Variants in CLSTN2 observed in about 807,000 individuals in gnomAD.
CLSTN2 encodes the protein calsyntenin-2.
A neutral mutation model predicts 101.2 loss-of-function variants in CLSTN2; 48 were observed. The ratio of observed to expected loss-of-function variants is 0.47; its 90% CI spans 0.38 to 0.60. The LOEUF is 0.60. CLSTN2 is among the 20% of genes least tolerant of loss of function. CLSTN2 has a pLI of 0.00. For missense variants in CLSTN2, 1,160 were observed against 1,238.2 expected (o/e 0.94, Z 0.95); for synonymous variants, 481 against 463.6 (o/e 1.04, Z -0.48).
At chr3:140,332,178 T>A (rs561081137) in intron 2 of CLSTN2, among the ~76,000 whole-genome samples, 1 of 152,278 alleles carries the variant, frequency 6.6e-6, no homozygotes, top group African/African-American at 2.4e-5. Context: ...TGAGCTGTCT[T>A]AACACTGGGT....
At chr3:140,154,625 G>T (rs1384268709) in intron 1 of CLSTN2, among the ~76,000 whole-genome samples, 2 of 149,392 alleles carry the variant, frequency 1.3e-5, no homozygotes, top group Non-Finnish European at 3.0e-5. Context: ...GAGAGAGAGA[G>T]AGGGGAAGTA....
intron 1 of CLSTN2, among the ~76,000 whole-genome samples, chr3:140,149,391 C>T (rs1421506467): frequency 6.6e-6 from 1 of 152,270 alleles, no homozygotes; most frequent in Middle Eastern, 3.4e-3. Context: ...TGGAAGCCTT[C>T]CTCTTCACCC....
intron 12 of CLSTN2, among the ~76,000 whole-genome samples, chr3:140,559,183 G>C (rs1328718279): frequency 6.7e-6 from 1 of 149,996 alleles, no homozygotes; most frequent in East Asian, 2.0e-4. Flanking sequence ...AAAAAACACA[G>C]AAAAATGCCA....
intron 2 of CLSTN2, among the ~76,000 whole-genome samples, chr3:140,326,409 G>T (rs1040461778): frequency 6.6e-6 from 1 of 152,182 alleles, no homozygotes; most frequent in Non-Finnish European, 1.5e-5. Context: ...AGAGATGATT[G>T]TTCCCATTAG....
At chr3:140,191,137 G>A (rs905115749) in intron 2 of CLSTN2, among the ~76,000 whole-genome samples, 1 of 151,898 alleles carries the variant, frequency 6.6e-6, no homozygotes, top group African/African-American at 2.4e-5. Flanking sequence ...AATGGGTGTT[G>A]ATTTTGTCAA....
chr3:140,476,163 C>G (rs1419015384), intron 8 of CLSTN2, among the ~76,000 whole-genome samples: 2 of 152,092 alleles, frequency 1.3e-5, no homozygotes, highest in Non-Finnish European at 2.9e-5. Context: ...TCTGTCACTT[C>G]CACGATATGA....
intron 2 of CLSTN2, among the ~76,000 whole-genome samples, chr3:140,341,650 G>C (rs545885768): frequency 6.6e-6 from 1 of 152,306 alleles, no homozygotes; most frequent in East Asian, 1.9e-4. Flanking sequence ...ACAGCACCCA[G>C]CTCAGGACCA....
At chr3:140,125,089 T>C (rs2009408015) in intron 1 of CLSTN2, among the ~76,000 whole-genome samples, 1 of 152,160 alleles carries the variant, frequency 6.6e-6, no homozygotes, top group South Asian at 2.1e-4. Context: ...ATTCATGACA[T>C]TGGGGGTCTC....
At chr3:139,947,002 A>T (rs942690727) in intron 1 of CLSTN2, among the ~76,000 whole-genome samples, 5 of 151,940 alleles carry the variant, frequency 3.3e-5, no homozygotes, top group Non-Finnish European at 7.4e-5. Flanking sequence ...CATTTTTCCA[A>T]CTCTTTCTGC....
intron 16 of CLSTN2, 50 bp from the exon 17 acceptor site, chr3:140,566,003 G>T (rs767506386): frequency 6.2e-7 from 1 of 1,609,606 alleles, no homozygotes; most frequent in Non-Finnish European, 8.5e-7. Context: ...CTCCAAAATG[G>T]CCTCTGTTCA....
chr3:140,163,587 C>CTTGGTCCACAGT, intron 1 of CLSTN2, among the ~76,000 whole-genome samples: 1 of 152,018 alleles, frequency 6.6e-6, no homozygotes, highest in South Asian at 2.1e-4. Context: ...CTACCAAGCA[C>CTTGGTCCACAGT]TTGGTCCACA....
chr3:140,121,621 C>T (rs2009342613), intron 1 of CLSTN2, among the ~76,000 whole-genome samples: 1 of 152,176 alleles, frequency 6.6e-6, no homozygotes, highest in Non-Finnish European at 1.5e-5. Context: ...AAACAAGGAC[C>T]AGGAGGTGCT....
chr3:140,126,653 T>A lies in CLSTN2; in HGVS notation c.110-49298T>A, dbSNP rs12233502. ...GGGAGACACAGTGGGTAGTATGGTCTCTATCACTTGCTTCTCCCATTTTTG... is the reference window on the plus strand; with the variant it reads ...GGGAGACACAGTGGGTAGTATGGTCACTATCACTTGCTTCTCCCATTTTTG... On this transcript the variant is annotated intron_variant, in intron 1 of 16. Coordinates refer to ENST00000458420, the MANE Select transcript of CLSTN2 (RefSeq NM_022131.3). Among the ~76,000 whole-genome samples the A allele has an allele frequency of 3.3e-5, 5 of 151,780 alleles. No homozygotes were observed. The South Asian group carries it at 8.3e-4, about 25-fold the overall frequency.
chr3:140,252,768 C>T (rs115204540), intron 2 of CLSTN2, among the ~76,000 whole-genome samples: 1,748 of 152,240 alleles, frequency 0.011, 38 homozygotes, highest in African/African-American at 0.04. Context: ...AGCTGTGTGG[C>T]GCATGATGCA....
At chr3:139,956,569 T>A (rs968920918) in intron 1 of CLSTN2, among the ~76,000 whole-genome samples, 1 of 152,212 alleles carries the variant, frequency 6.6e-6, no homozygotes, top group African/African-American at 2.4e-5. Context: ...AGAGGTCTAC[T>A]AAAGGGATGT....
At chr3:140,173,781 T>C (rs2010277115) in intron 1 of CLSTN2, among the ~76,000 whole-genome samples, 1 of 152,190 alleles carries the variant, frequency 6.6e-6, no homozygotes, top group African/African-American at 2.4e-5. Flanking sequence ...CTGAGCTCTA[T>C]GTTGGCCCCT....
At chr3:139,957,922 T>A (rs945386934) in intron 1 of CLSTN2, among the ~76,000 whole-genome samples, 1 of 152,196 alleles carries the variant, frequency 6.6e-6, no homozygotes, top group African/African-American at 2.4e-5. Context: ...GGCGATCCCC[T>A]GTGTCAAACT....
At chr3:140,261,726 G>T (rs572859826) in intron 2 of CLSTN2, among the ~76,000 whole-genome samples, 1 of 152,068 alleles carries the variant, frequency 6.6e-6, no homozygotes, top group Non-Finnish European at 1.5e-5. Flanking sequence ...TACTATCTGC[G>T]TCTATAAGCT....
intron 5 of CLSTN2, among the ~76,000 whole-genome samples, chr3:140,425,361 C>A (rs2088555388): frequency 6.6e-6 from 1 of 152,246 alleles, no homozygotes; most frequent in Admixed American, 6.5e-5. Context: ...ATCACAATTG[C>A]CCCTTCCATG....
Sources: allele counts gnomAD v4.1 joint callset (sites outside exome capture counted in the v4.1 genomes callset), GRCh38; gene constraint gnomAD v4.1.1; transcripts MANE v1.5; gene names NCBI Gene and HGNC (gene_info 2026-07-23, HGNC 2026-07-21).